GNA13: variants seen among roughly 807,000 people sequenced by gnomAD.
GNA13 encodes the protein guanine nucleotide-binding protein subunit alpha-13.
GNA13 carries 4 observed loss-of-function variants against 33.5 expected under a neutral mutation model. That is an observed-to-expected ratio of 0.12 (90% CI 0.06 to 0.27). The LOEUF (loss-of-function observed/expected upper bound fraction) is 0.27. Ranked by LOEUF, GNA13 falls within the 10% of genes least tolerant of loss-of-function variation. GNA13 has a pLI of 1.00. For missense variants in GNA13, 319 were observed against 487.2 expected (o/e 0.65, Z 3.25); for synonymous variants, 176 against 183.8 (o/e 0.96, Z 0.34).
rs1017247687 is a variant in GNA13, at chr17:65,013,153, C to T, written c.*1104G>A. On this transcript the variant is annotated 3_prime_UTR_variant, in exon 4 of 4. Coordinates refer to ENST00000439174, the MANE Select transcript of GNA13 (RefSeq NM_006572.6). Reference sequence around the variant, plus strand: ...ATACATACTGTATCTGTTAGAGACACACCAAGAATGAACAGGAATCTCAAA... The same window carrying T: ...ATACATACTGTATCTGTTAGAGACATACCAAGAATGAACAGGAATCTCAAA... The T allele has an allele frequency of 1.5e-5, 3 of 202,070 alleles. No homozygotes were observed. The highest frequency in any genetic ancestry group is 6.9e-5 in the African/African-American group (3 of 43,598). The allele number at this position is 202,070 out of a possible 1,614,324, so 12.5% of individuals were successfully genotyped here. A position where few individuals can be genotyped will look rare whatever the true frequency, so the allele number is the denominator to read the frequency against.
intron 2 of GNA13, among the ~76,000 whole-genome samples, chr17:65,038,029 C>T (rs2143808388): frequency 6.6e-6 from 1 of 152,210 alleles, no homozygotes; most frequent in East Asian, 1.9e-4. Flanking sequence ...GAGATCTCAA[C>T]CTAGTACTTA....
intron 2 of GNA13, among the ~76,000 whole-genome samples, chr17:65,044,552 G>C (rs1307070383): frequency 6.6e-6 from 1 of 150,492 alleles, no homozygotes; most frequent in Non-Finnish European, 1.5e-5. Flanking sequence ...TGTAGTCCCA[G>C]CACTTTGGGA....
chr17:65,015,410 T>C (rs776185191), intron 3 of GNA13, among the ~76,000 whole-genome samples: 51 of 151,550 alleles, frequency 3.4e-4, no homozygotes, highest in Non-Finnish European at 5.9e-4. Context: ...CGCTTGTAAT[T>C]CCAGCACTTT....
intron 2 of GNA13, among the ~76,000 whole-genome samples, chr17:65,020,795 T>C (rs1906554899): frequency 6.6e-6 from 1 of 151,748 alleles, no homozygotes; most frequent in African/African-American, 2.4e-5. Context: ...GGATTACAGG[T>C]GTGTGCCTCC....
In GNA13 at chr17:65,009,400, A is replaced by C. The variant is rs1006654107; in HGVS notation, c.*4857T>G. 1.3e-5 allele frequency among the ~76,000 whole-genome samples: 2 copies of C among 152,216 alleles called. No homozygotes were observed. Among genetic ancestry groups the C allele is most frequent in the Non-Finnish European group, 2.9e-5 (2 of 68,034 alleles). ...GTACAAAAGTAAAAAGCTGTAATGA[A>C]CTAGCAACTCATTTTATAAAATCAA... On this transcript the variant is annotated 3_prime_UTR_variant, in exon 4 of 4. Coordinates refer to ENST00000439174, the MANE Select transcript of GNA13 (RefSeq NM_006572.6).
intron 2 of GNA13, among the ~76,000 whole-genome samples, chr17:65,023,368 T>G (rs898199584): frequency 6.6e-5 from 10 of 152,224 alleles, no homozygotes; most frequent in African/African-American, 2.4e-4. Context: ...AAACAAAAAG[T>G]GAAAATTCTG....
intron 2 of GNA13, among the ~76,000 whole-genome samples, chr17:65,037,778 G>GATAAAAAAA (rs1907305419): frequency 1.0e-5 from 1 of 99,140 alleles, no homozygotes; most frequent in African/African-American, 3.9e-5. Flanking sequence ...TACAAAAATG[G>GATAAAAAAA]AAAAAAAAAA....
rs767082596 is a variant in GNA13 at position 65,018,092 on chromosome 17, TAAAAAAAAAAAAAAAAAAAAAAAAAA to T, written c.561+135_561+160del. 9.5e-3 allele frequency among the ~76,000 whole-genome samples: 204 copies of T among 21,502 alleles called. 4 individuals are homozygous for T. Among genetic ancestry groups the T allele is most frequent in the African/African-American group, 0.026 (184 of 7,190 alleles). 14.1% of individuals were successfully genotyped at this position (21,502 alleles called of 152,430 possible). The stretch of plus-strand genomic sequence containing the variant: ...CAGAGAAGAATCAGAACGCCACCAC[TAAAAAAAAAAAAAAAAAAAAAAAAAA>T]AAAAAAAAAAAAAAAAAAAAAGAGA... On this transcript the variant is annotated intron_variant, in intron 3 of 3. Transcript: ENST00000439174.
chr17:65,029,623 G>T (rs200268541), intron 2 of GNA13, among the ~76,000 whole-genome samples: 139 of 152,174 alleles, frequency 9.1e-4, no homozygotes, highest in South Asian at 4.8e-3. Flanking sequence ...TGCACTTACG[G>T]TTTATACCAC....
At chr17:65,039,429 A>C (rs1384959630) in intron 2 of GNA13, among the ~76,000 whole-genome samples, 1 of 151,934 alleles carries the variant, frequency 6.6e-6, no homozygotes, top group Non-Finnish European at 1.5e-5. Flanking sequence ...GAAACCCCAA[A>C]CTTCTCAACA....
chr17:65,013,217 C>T lies in GNA13; in HGVS notation c.*1040G>A, dbSNP rs1906252177. 1 of 206,298 alleles carries T rather than the reference C, an allele frequency of 4.8e-6. No homozygotes were observed. Among genetic ancestry groups the T allele is most frequent in the Admixed American group, 6.0e-5 (1 of 16,794 alleles). The allele number at this position is 206,298 out of a possible 1,614,324, so 12.8% of individuals were successfully genotyped here. On this transcript the variant is annotated 3_prime_UTR_variant, in exon 4 of 4. Coordinates refer to ENST00000439174, the MANE Select transcript of GNA13 (RefSeq NM_006572.6). ...AATAGTCTTGACAGAAAAATACTGC[C>T]CTTAGCAAACTCCAAATAAACAAAA...
At position 65,051,172 on chromosome 17, in the gene GNA13, T is replaced by C. The variant is rs113505039; in HGVS notation, c.510+2330A>G. ...AGGTATGCAGTTCTTTATTTATTCA[T>C]TTAATCCATATGCACTGTATGCTTA... On this transcript the variant is annotated intron_variant, in intron 2 of 3. Coordinates refer to ENST00000439174, the MANE Select transcript of GNA13 (RefSeq NM_006572.6). 2.0e-5 allele frequency among the ~76,000 whole-genome samples: 3 copies of C among 152,212 alleles called. No homozygotes were observed. The East Asian group carries it at 5.8e-4, about 29-fold the overall frequency.
intron 2 of GNA13, among the ~76,000 whole-genome samples, chr17:65,043,789 T>C (rs1567826023): frequency 1.3e-5 from 2 of 151,382 alleles, no homozygotes; most frequent in Non-Finnish European, 1.5e-5. Context: ...TACTGCAGAG[T>C]AGATGGGGAT....
intron 2 of GNA13, among the ~76,000 whole-genome samples, chr17:65,038,679 G>T (rs1358090145): frequency 6.6e-6 from 1 of 152,102 alleles, no homozygotes; most frequent in East Asian, 1.9e-4. Flanking sequence ...CGCCCACCTT[G>T]GCCTCCCAAT....
At chr17:65,044,538 C>T (rs552148322) in intron 2 of GNA13, among the ~76,000 whole-genome samples, 5 of 151,934 alleles carry the variant, frequency 3.3e-5, no homozygotes, top group African/African-American at 1.2e-4. Flanking sequence ...TGGTGGCTCA[C>T]GCCTGTAGTC....
At chr17:65,030,992 G>A (rs1017967230) in intron 2 of GNA13, among the ~76,000 whole-genome samples, 4 of 152,094 alleles carry the variant, frequency 2.6e-5, no homozygotes, top group Non-Finnish European at 5.9e-5. Context: ...TAATTAAGTA[G>A]AGTTTCTTCT....
At chr17:65,055,549 G>T in intron 1 of GNA13, 1 of 939,968 alleles carries the variant, frequency 1.1e-6, no homozygotes, top group Non-Finnish European at 1.3e-6. Context: ...TAGCGAAAAG[G>T]AGAGTGGAAC....
In GNA13 at chr17:65,018,138, A is replaced by AAAAAAAAAAAAAAAAAAAGAGAGAG. The variant is rs1555600538; in HGVS notation, c.561+114_561+115insCTCTCTCTTTTTTTTTTTTTTTTTT. On this transcript the variant is annotated intron_variant, in intron 3 of 3. Coordinates refer to ENST00000439174, the MANE Select transcript of GNA13 (RefSeq NM_006572.6). The stretch of plus-strand genomic sequence containing the variant: ...AAAAAAAAAAAAAAAAAAAAAAAAA[A>AAAAAAAAAAAAAAAAAAAGAGAGAG]AGAGAGAAAGAAGCAAATAGCTTAA... 2.9e-5 allele frequency: 2 copies of AAAAAAAAAAAAAAAAAAAGAGAGAG among 69,632 alleles called. 1 individual carries two copies. The allele number at this position is 69,632 out of a possible 1,614,324, so 4.3% of individuals were successfully genotyped here. A position where few individuals can be genotyped will look rare whatever the true frequency, so the allele number is the denominator to read the frequency against.
At chr17:65,046,061 T>C (rs1352802909) in intron 2 of GNA13, among the ~76,000 whole-genome samples, 1 of 152,156 alleles carries the variant, frequency 6.6e-6, no homozygotes, top group Non-Finnish European at 1.5e-5. Context: ...TCTTTCTGAG[T>C]CTCCATTTTT....
Sources: gnomAD v4.1 joint callset for allele counts (sites outside exome capture counted in the v4.1 genomes callset) on GRCh38, gnomAD v4.1.1 for gene constraint, MANE v1.5 for transcripts, NCBI Gene and HGNC (gene_info 2026-07-23, HGNC 2026-07-21) for gene names.